Variants in TMEM108 observed in about 807,000 individuals in gnomAD.
TMEM108 encodes the protein transmembrane protein 108, also known as cancer/testis antigen 124.
A neutral mutation model predicts 35.1 loss-of-function variants in TMEM108; 12 were observed. The ratio of observed to expected loss-of-function variants is 0.34; its 90% CI spans 0.22 to 0.55. TMEM108 has a LOEUF of 0.55. Ranked by LOEUF, TMEM108 falls within the 20% of genes least tolerant of loss-of-function variation. TMEM108 has a pLI of 0.89. For missense variants in TMEM108, 680 were observed against 753.3 expected, an observed-to-expected ratio of 0.90 and a Z score of 1.14; for synonymous variants, 287 against 308.6, an observed-to-expected ratio of 0.93 and a Z score of 0.73.
At chr3:133,160,792 G>C (rs1944951288) in intron 2 of TMEM108, among the ~76,000 whole-genome samples, 1 of 152,114 alleles carries the variant, frequency 6.6e-6, no homozygotes, top group African/African-American at 2.4e-5. Flanking sequence ...TGGTATCTGG[G>C]TCAGTCCAGC....
At chr3:133,252,064 T>G (rs1946479715) in intron 3 of TMEM108, among the ~76,000 whole-genome samples, 1 of 152,202 alleles carries the variant, frequency 6.6e-6, no homozygotes, top group Admixed American at 6.5e-5. Flanking sequence ...ACTGTCACCA[T>G]CGATGTATCT....
intron 3 of TMEM108, among the ~76,000 whole-genome samples, chr3:133,231,609 C>A (rs549772345): frequency 2.6e-5 from 4 of 152,202 alleles, no homozygotes; most frequent in Non-Finnish European, 4.4e-5. Context: ...AATACGCATG[C>A]CACATTGTAC....
intron 2 of TMEM108, among the ~76,000 whole-genome samples, chr3:133,208,452 A>G (rs546823415): frequency 6.6e-6 from 1 of 152,232 alleles, no homozygotes; most frequent in Admixed American, 6.5e-5. Context: ...AGCTGTGTAA[A>G]CATTGATGGG....
At chr3:133,205,508 A>G (rs532428760) in intron 2 of TMEM108, among the ~76,000 whole-genome samples, 12 of 152,248 alleles carry the variant, frequency 7.9e-5, no homozygotes, top group African/African-American at 2.6e-4. Context: ...GGTGGTGACA[A>G]AATCTCTCAG....
At chr3:133,105,772 A>G (rs188009971) in intron 2 of TMEM108, among the ~76,000 whole-genome samples, 1 of 152,338 alleles carries the variant, frequency 6.6e-6, no homozygotes, top group East Asian at 1.9e-4. Flanking sequence ...CTAGAACTTC[A>G]GTTTTTGAAC....
chr3:133,287,784 A>G lies in TMEM108; in HGVS notation c.40+58433A>G, dbSNP rs559107852. ...AGTTAGGGCCTCTTTTAGATTGGTT[A>G]CCAAACACTCTCAAAATAAAAATAT... On this transcript the variant is annotated intron_variant, in intron 3 of 5. Transcript: ENST00000321871. 3.7e-4 allele frequency among the ~76,000 whole-genome samples: 57 copies of G among 152,240 alleles called. 2 individuals carry two copies. The highest frequency in any genetic ancestry group is 1.8e-3 in the Admixed American group (28 of 15,280).
At chr3:133,349,667 C>G (rs1323150091) in intron 3 of TMEM108, among the ~76,000 whole-genome samples, 2 of 151,464 alleles carry the variant, frequency 1.3e-5, no homozygotes, top group Non-Finnish European at 2.9e-5. Context: ...AAATGGCCAA[C>G]AGATACATGA....
chr3:133,214,982 T>G (rs1945885900), intron 2 of TMEM108, among the ~76,000 whole-genome samples: 1 of 152,148 alleles, frequency 6.6e-6, no homozygotes, highest in Non-Finnish European at 1.5e-5. Context: ...AACTGGTCCC[T>G]GGTGCCAAAA....
chr3:133,196,745 C>T (rs1460984660), intron 2 of TMEM108, among the ~76,000 whole-genome samples: 21 of 152,198 alleles, frequency 1.4e-4, no homozygotes, highest in Non-Finnish European at 1.5e-5. Context: ...ATGCCATTGA[C>T]ATCCCAAGGC....
chr3:133,355,661 A>G (rs1389856221), intron 3 of TMEM108, among the ~76,000 whole-genome samples: 4 of 152,298 alleles, frequency 2.6e-5, no homozygotes, highest in African/African-American at 9.6e-5. Context: ...CTACAACGGA[A>G]CAAAGGAAAG....
At chr3:133,051,490 T>G (rs533822938) in intron 2 of TMEM108, among the ~76,000 whole-genome samples, 1 of 152,262 alleles carries the variant, frequency 6.6e-6, no homozygotes, top group South Asian at 2.1e-4. Context: ...ACCTGATGTT[T>G]CAGAGAACAG....
chr3:133,220,001 T>G (rs1048588967), intron 2 of TMEM108, among the ~76,000 whole-genome samples: 1 of 152,044 alleles, frequency 6.6e-6, no homozygotes, highest in Non-Finnish European at 1.5e-5. Context: ...CAATGTTGGA[T>G]GCATATGTAT....
chr3:133,074,634 A>G (rs1446996868), intron 2 of TMEM108, among the ~76,000 whole-genome samples: 1 of 152,128 alleles, frequency 6.6e-6, no homozygotes, highest in Admixed American at 6.5e-5. Context: ...GGATTACAGC[A>G]TGTGCTACCA....
intron 2 of TMEM108, among the ~76,000 whole-genome samples, chr3:133,099,377 G>T (rs1576317800): frequency 6.6e-6 from 1 of 152,336 alleles, no homozygotes; most frequent in East Asian, 1.9e-4. Context: ...GGGAGGGGCT[G>T]CCGTGAAGGT....
Position 133,208,433 on chromosome 3 carries a change from G to A in TMEM108, c.-46-20833G>A, listed in dbSNP as rs371653188. ...TTGGGTTTGCCACCATCTAGTGTTA[G>A]TCATCTAAAGCTGTGTAAACATTGA... On this transcript the variant is annotated intron_variant, in intron 2 of 5. Transcript: ENST00000321871. 1.5e-4 allele frequency among the ~76,000 whole-genome samples: 23 copies of A among 152,304 alleles called. No homozygotes were observed. In the South Asian group the frequency reaches 2.1e-3, roughly 14 times the overall value.
rs1451375364 is a variant in TMEM108, at chr3:133,297,869, G to A, written c.40+68518G>A. ...TCAGAGAATGAGGAAAGGAAGGAATGTTTGGCCTTGACATTGGTAGTTTGT... is the reference window on the plus strand; with the variant it reads ...TCAGAGAATGAGGAAAGGAAGGAATATTTGGCCTTGACATTGGTAGTTTGT... On this transcript the variant is annotated intron_variant, in intron 3 of 5. Transcript: ENST00000321871. Among the ~76,000 whole-genome samples the A allele has an allele frequency of 3.9e-5, 6 of 152,292 alleles. No individual in the cohort carries two copies. The East Asian group carries it at 9.6e-4, about 24-fold the overall frequency.
intron 2 of TMEM108, among the ~76,000 whole-genome samples, chr3:133,209,542 T>G (rs1945806399): frequency 6.6e-6 from 1 of 152,134 alleles, no homozygotes; most frequent in Admixed American, 6.5e-5. Context: ...ATTAGCACAG[T>G]GCATGTTAAG....
chr3:133,284,137 G>T (rs560868294), intron 3 of TMEM108, among the ~76,000 whole-genome samples: 3 of 152,306 alleles, frequency 2.0e-5, no homozygotes, highest in African/African-American at 7.2e-5. Flanking sequence ...TCATCCTTCT[G>T]TTTGGGCTCC....
At chr3:133,276,241 G>A (rs1387629034) in intron 3 of TMEM108, among the ~76,000 whole-genome samples, 1 of 152,064 alleles carries the variant, frequency 6.6e-6, no homozygotes, top group Admixed American at 6.5e-5. Context: ...TTTAACTCTG[G>A]CACCTCTACC....
Sources: allele counts gnomAD v4.1 joint callset (sites outside exome capture counted in the v4.1 genomes callset), GRCh38; gene constraint gnomAD v4.1.1; transcripts MANE v1.5; gene names NCBI Gene and HGNC (gene_info 2026-07-23, HGNC 2026-07-21).